NAV3: variants seen among roughly 807,000 people sequenced by gnomAD.
The protein encoded by NAV3 is neuron navigator 3.
In NAV3, 87 loss-of-function variants were observed where a neutral mutation model predicts 244.7. The observed-to-expected ratio is 0.36, with a 90% confidence interval of 0.30 to 0.42. The LOEUF is 0.42. Ranked by LOEUF, NAV3 falls within the 20% of genes least tolerant of loss-of-function variation. The pLI, the probability that NAV3 is intolerant of heterozygous loss-of-function variation, is 1.00. For missense variants in NAV3, 2,663 were observed against 2,893.3 expected (o/e 0.92, Z 1.83); for synonymous variants, 1,126 against 1,042.2 (o/e 1.08, Z -1.55).
At chr12:77,661,176 G>A (rs1873427778) in intron 2 of NAV3, among the ~76,000 whole-genome samples, 1 of 152,072 alleles carries the variant, frequency 6.6e-6, no homozygotes, top group African/African-American at 2.4e-5. Flanking sequence ...TTTTCATTGT[G>A]GACGTACCGT....
chr12:77,883,885 ATG>A, intron 1 of NAV3, among the ~76,000 whole-genome samples: 1 of 152,232 alleles, frequency 6.6e-6, no homozygotes, highest in Non-Finnish European at 1.5e-5. Flanking sequence ...CCTAGAAAAA[ATG>A]TGATTGTATT....
intron 2 of NAV3, among the ~76,000 whole-genome samples, chr12:77,765,995 G>A (rs1488587155): frequency 6.6e-6 from 1 of 152,170 alleles, no homozygotes; most frequent in African/African-American, 2.4e-5. Context: ...TGTGTCAGTG[G>A]ATGGGCATGA....
chr12:77,909,906 A>T (rs958294301), intron 1 of NAV3, among the ~76,000 whole-genome samples: 1 of 152,130 alleles, frequency 6.6e-6, no homozygotes, highest in African/African-American at 2.4e-5. Context: ...GATAGATATT[A>T]GAGAACTAAG....
chr12:77,707,911 T>C (rs1875907638), intron 2 of NAV3, among the ~76,000 whole-genome samples: 1 of 152,128 alleles, frequency 6.6e-6, no homozygotes, highest in African/African-American at 2.4e-5. Context: ...ATGGAGTTGT[T>C]TTTTTCTTGT....
intron 2 of NAV3, among the ~76,000 whole-genome samples, chr12:77,636,464 CAAA>C (rs372405959): frequency 0.057 from 4,397 of 76,674 alleles, 62 homozygotes; most frequent in Middle Eastern, 0.11. Context: ...GACACCGTCT[CAAA>C]AAAAAAAAAA....
chr12:77,986,337 G>A (rs1463446224), intron 5 of NAV3, among the ~76,000 whole-genome samples: 1 of 152,134 alleles, frequency 6.6e-6, no homozygotes, highest in Non-Finnish European at 1.5e-5. Context: ...ACTCCTGCCT[G>A]GGCGACAGAG....
At chr12:77,661,393 C>A (rs1873439842) in intron 2 of NAV3, among the ~76,000 whole-genome samples, 1 of 151,956 alleles carries the variant, frequency 6.6e-6, no homozygotes, top group Non-Finnish European at 1.5e-5. Context: ...GATATATGCT[C>A]AGATATTTTG....
chr12:77,989,970 C>G (rs544732723), intron 5 of NAV3, among the ~76,000 whole-genome samples: 2 of 152,280 alleles, frequency 1.3e-5, no homozygotes, highest in African/African-American at 4.8e-5. Context: ...AGTATCCAAC[C>G]ATTCCAAGCT....
chr12:78,053,683 A>C (rs1883093405), intron 11 of NAV3, among the ~76,000 whole-genome samples: 1 of 152,168 alleles, frequency 6.6e-6, no homozygotes, highest in Non-Finnish European at 1.5e-5. Context: ...AAAAACACAA[A>C]AAATGTGGAA....
At chr12:78,026,448 A>G (rs1387782163) in intron 9 of NAV3, among the ~76,000 whole-genome samples, 1 of 152,166 alleles carries the variant, frequency 6.6e-6, no homozygotes, top group Non-Finnish European at 1.5e-5. Context: ...AGAGTTATTC[A>G]TGGCTCCTTT....
intron 3 of NAV3, among the ~76,000 whole-genome samples, chr12:77,949,708 C>T (rs1890693924): frequency 6.6e-6 from 1 of 151,884 alleles, no homozygotes; most frequent in South Asian, 2.1e-4. Flanking sequence ...ATCAGTATCA[C>T]CCAGAATCCA....
Position 78,006,778 on chromosome 12 carries a change from G to T in NAV3, c.1240G>T (p.Asp414Tyr). ...AGGACCTAGTGATGGTGGGAAGGAT[G>T]ATGATGCCTTTTCTGAATCTGGTGA... Reference protein sequence around the residue: ...SSGPSDGGKDDDAFSESGEME... With the variant: ...SSGPSDGGKDYDAFSESGEME... The change falls in exon 8 of 40, where the codon GAT (aspartate) becomes TAT (tyrosine). Residue 414 changes from aspartate (D) to tyrosine (Y), a missense_variant. Around this residue, in one of 6 missense-constraint regions of NAV3, gnomAD observed 1,521 missense variants for 1,497.0 expected, o/e 1.02. Coordinates refer to ENST00000397909, the MANE Select transcript of NAV3 (RefSeq NM_001024383.2). 6.2e-7 allele frequency: 1 copy of T among 1,614,190 alleles called. No individual in the cohort carries two copies.
At chr12:78,105,035 T>A (rs1040206309) in intron 12 of NAV3, among the ~76,000 whole-genome samples, 1 of 152,126 alleles carries the variant, frequency 6.6e-6, no homozygotes, top group African/African-American at 2.4e-5. Flanking sequence ...TATCACTAGG[T>A]CAAACATTCA....
chr12:78,193,113 C>G (rs181134345), intron 34 of NAV3, among the ~76,000 whole-genome samples: 1 of 152,100 alleles, frequency 6.6e-6, no homozygotes, highest in Non-Finnish European at 1.5e-5. Context: ...ACTGAAGAGA[C>G]AAATCCAAAA....
chr12:77,949,230 T>C (rs1890648156), intron 3 of NAV3, among the ~76,000 whole-genome samples: 1 of 152,090 alleles, frequency 6.6e-6, no homozygotes, highest in Admixed American at 6.6e-5. Context: ...TAATTATCAC[T>C]TATTTATTGA....
chr12:78,110,693 A>AGT lies in NAV3; in HGVS notation c.2637-6066_2637-6065dup, dbSNP rs1245764766. 2.8e-3 allele frequency among the ~76,000 whole-genome samples: 425 copies of AGT among 150,838 alleles called. 2 individuals are homozygous for AGT. The highest frequency in any genetic ancestry group is 9.4e-3 in the African/African-American group (386 of 41,232). ...AATAAAGCCATATATATATATATAT[A>AGT]GTGTGTGTGTGTGTATACACACATA... On this transcript the variant is annotated intron_variant, in intron 12 of 39. Coordinates refer to ENST00000397909, the MANE Select transcript of NAV3 (RefSeq NM_001024383.2).
chr12:78,042,484 G>C (rs1425886728), intron 9 of NAV3, among the ~76,000 whole-genome samples: 1 of 152,176 alleles, frequency 6.6e-6, no homozygotes, highest in Non-Finnish European at 1.5e-5. Context: ...GACTTCAAAA[G>C]CTATTGCTTC....
chr12:78,101,101 G>A (rs1301011434), intron 12 of NAV3, among the ~76,000 whole-genome samples: 1 of 152,140 alleles, frequency 6.6e-6, no homozygotes, highest in East Asian at 1.9e-4. Context: ...AATGACTATA[G>A]TTTGTGACTA....
intron 2 of NAV3, among the ~76,000 whole-genome samples, chr12:77,778,405 G>A (rs189668896): frequency 0.021 from 3,217 of 151,612 alleles, 134 homozygotes; most frequent in African/African-American, 0.074. Flanking sequence ...GAGGTCAGGA[G>A]GTCGAGACAA....
Sources: allele counts gnomAD v4.1 joint callset (sites outside exome capture counted in the v4.1 genomes callset), GRCh38; gene constraint gnomAD v4.1.1; regional missense constraint gnomAD v4.1.1; transcripts MANE v1.5; gene names NCBI Gene and HGNC (gene_info 2026-07-23, HGNC 2026-07-21).